The following SPON1 variants were observed in gnomAD, a reference collection of about 807,000 sequenced individuals.
SPON1 encodes the protein spondin 1, also known as spondin-1.
A neutral mutation model predicts 111.7 loss-of-function variants in SPON1; 52 were observed. The observed-to-expected ratio is 0.47, with a 90% CI of 0.37 to 0.59. SPON1 has a LOEUF of 0.59. Among genes scored for constraint, SPON1 ranks in the 20% least tolerant of loss-of-function variants. The pLI, the probability that SPON1 is intolerant of heterozygous loss-of-function variation, is 0.00. For missense variants in SPON1, 957 were observed against 1,068.5 expected (o/e 0.90, Z 1.46); for synonymous variants, 410 against 395.8 (o/e 1.04, Z -0.43).
intron 6 of SPON1, among the ~76,000 whole-genome samples, chr11:14,169,051 G>C (rs1306011723): frequency 6.6e-6 from 1 of 152,148 alleles, no homozygotes; most frequent in Admixed American, 6.5e-5. Context: ...GGTATTTCTA[G>C]TTCTAGATCC....
intron 6 of SPON1, among the ~76,000 whole-genome samples, chr11:14,196,983 G>A (rs924863138): frequency 3.3e-5 from 5 of 152,162 alleles, no homozygotes; most frequent in Admixed American, 3.3e-4. Context: ...CCGGGAGGCT[G>A]GGGTTGCAGT....
intron 7 of SPON1, among the ~76,000 whole-genome samples, chr11:14,249,450 C>G (rs1474288089): frequency 6.6e-6 from 1 of 152,206 alleles, no homozygotes; most frequent in Non-Finnish European, 1.5e-5. Flanking sequence ...ACAGCGTTTT[C>G]CAACGTTGCA....
intron 2 of SPON1, among the ~76,000 whole-genome samples, chr11:14,041,198 CCTT>C (rs1848628469): frequency 6.6e-6 from 1 of 152,198 alleles, no homozygotes; most frequent in Non-Finnish European, 1.5e-5. Flanking sequence ...CCCCCATCCT[CCTT>C]CTTCCCCAAA....
chr11:13,994,440 C>T (rs1469327487), intron 2 of SPON1, among the ~76,000 whole-genome samples: 1 of 151,310 alleles, frequency 6.6e-6, no homozygotes, highest in Non-Finnish European at 1.5e-5. Flanking sequence ...TCCCCCATCC[C>T]CACACACACA....
intron 6 of SPON1, among the ~76,000 whole-genome samples, chr11:14,218,782 T>C (rs1848651067): frequency 6.6e-6 from 1 of 152,216 alleles, no homozygotes; most frequent in African/African-American, 2.4e-5. Flanking sequence ...AGGAACAGCC[T>C]AGAAAAGCAA....
intron 7 of SPON1, among the ~76,000 whole-genome samples, chr11:14,248,000 T>C (rs1849010567): frequency 6.6e-6 from 1 of 151,990 alleles, no homozygotes; most frequent in Non-Finnish European, 1.5e-5. Flanking sequence ...CTATTGAATG[T>C]TGAGGAATCT....
chr11:14,144,257 A>G (rs1042537918), intron 6 of SPON1, among the ~76,000 whole-genome samples: 2 of 152,142 alleles, frequency 1.3e-5, no homozygotes, highest in Non-Finnish European at 2.9e-5. Flanking sequence ...TGGGAATACA[A>G]TGGAAAGAAG....
At chr11:14,160,635 A>G (rs1436864464) in intron 6 of SPON1, among the ~76,000 whole-genome samples, 1 of 29,704 alleles carries the variant, frequency 3.4e-5, no homozygotes, top group African/African-American at 1.3e-4. Context: ...ATATTTATAT[A>G]TATTTACATA....
chr11:14,251,197 A>G (rs1364802253), intron 7 of SPON1, among the ~76,000 whole-genome samples: 6 of 152,202 alleles, frequency 3.9e-5, no homozygotes, highest in Non-Finnish European at 1.5e-5. Flanking sequence ...GGATAAGAGA[A>G]AGCTGCAGGG....
chr11:13,986,009 T>C (rs570183737), intron 2 of SPON1, among the ~76,000 whole-genome samples: 1 of 152,226 alleles, frequency 6.6e-6, no homozygotes, highest in South Asian at 2.1e-4. Flanking sequence ...GAAAGTATTT[T>C]TTCTCTGTAC....
chr11:14,167,344 GTCA>G (rs1848042010), intron 6 of SPON1, among the ~76,000 whole-genome samples: 1 of 151,904 alleles, frequency 6.6e-6, no homozygotes, highest in Non-Finnish European at 1.5e-5. Flanking sequence ...AGAATCACAG[GTCA>G]TCATAAGTCA....
chr11:14,197,638 A>C lies in SPON1; in HGVS notation c.826-45694A>C, dbSNP rs185856084. 3.3e-3 allele frequency among the ~76,000 whole-genome samples: 469 copies of C among 141,008 alleles called. 3 individuals are homozygous for C. Among genetic ancestry groups the C allele is most frequent in the African/African-American group, 0.011 (429 of 38,700 alleles). The allele number at this position is 141,008 out of a possible 152,430, so 92.5% of individuals were successfully genotyped here. A position where few individuals can be genotyped will look rare whatever the true frequency, so the allele number is the denominator to read the frequency against. Reference sequence around the variant, plus strand: ...GCTAATGCAGTGGAACCGCACCTCTACTAAATATACAAAAAAAAAAAAAAA... The same window carrying C: ...GCTAATGCAGTGGAACCGCACCTCTCCTAAATATACAAAAAAAAAAAAAAA... On this transcript the variant is annotated intron_variant, in intron 6 of 15. Transcript: ENST00000576479.
intron 3 of SPON1, among the ~76,000 whole-genome samples, chr11:14,064,225 A>G (rs1321202774): frequency 1.3e-5 from 2 of 152,348 alleles, no homozygotes; most frequent in East Asian, 3.9e-4. Flanking sequence ...AAATATAAAC[A>G]TGCAATAAAT....
chr11:14,193,871 C>T (rs1251146630), intron 6 of SPON1, among the ~76,000 whole-genome samples: 1 of 152,174 alleles, frequency 6.6e-6, no homozygotes, highest in African/African-American at 2.4e-5. Context: ...TCCCACAGAG[C>T]CTTTTGACAG....
chr11:14,202,468 G>T (rs1449172630), intron 6 of SPON1, among the ~76,000 whole-genome samples: 7 of 152,160 alleles, frequency 4.6e-5, no homozygotes, highest in Admixed American at 4.6e-4. Flanking sequence ...GTGAATATGT[G>T]TCAGGACAGT....
At chr11:14,000,743 C>T (rs988861464) in intron 2 of SPON1, among the ~76,000 whole-genome samples, 4 of 152,118 alleles carry the variant, frequency 2.6e-5, no homozygotes, top group African/African-American at 9.7e-5. Flanking sequence ...CAGCCACACA[C>T]CCCCTGGCCC....
chr11:14,036,290 G>A (rs782674009), intron 2 of SPON1, among the ~76,000 whole-genome samples: 7 of 152,230 alleles, frequency 4.6e-5, no homozygotes, highest in African/African-American at 7.2e-5. Flanking sequence ...TATAAAGACA[G>A]TTAGAATGAT....
intron 6 of SPON1, among the ~76,000 whole-genome samples, chr11:14,190,447 C>A (rs1848332436): frequency 6.6e-6 from 1 of 152,034 alleles, no homozygotes; most frequent in Admixed American, 6.6e-5. Context: ...CATCCTGCCT[C>A]TTCTATCTTC....
chr11:14,230,542 C>G (rs1554938564), intron 6 of SPON1, among the ~76,000 whole-genome samples: 1 of 152,154 alleles, frequency 6.6e-6, no homozygotes, highest in Admixed American at 6.5e-5. Flanking sequence ...ATGAATTCTA[C>G]CCCTGCCATG....
Sources: gnomAD v4.1 joint callset for allele counts (sites outside exome capture counted in the v4.1 genomes callset) on GRCh38, gnomAD v4.1.1 for gene constraint, MANE v1.5 for transcripts, NCBI Gene and HGNC (gene_info 2026-07-23, HGNC 2026-07-21) for gene names.